The following NFATC2 variants were observed in gnomAD, a reference collection of about 807,000 sequenced individuals.
The protein encoded by NFATC2 is nuclear factor of activated T cells 2, also known as nuclear factor of activated T-cells, cytoplasmic 2.
Under a neutral mutation model 87.3 loss-of-function variants are expected in NFATC2, and 22 were observed. The observed-to-expected ratio is 0.25, with a 90% CI of 0.18 to 0.36. NFATC2 has a LOEUF of 0.36. Ranked by LOEUF, NFATC2 falls within the 10% of genes least tolerant of loss-of-function variation. The pLI is 1.00. For synonymous variants in NFATC2, 565 were observed against 542.2 expected (o/e 1.04, Z -0.58); for missense variants, 1,149 against 1,259.1 (o/e 0.91, Z 1.32).
At chr20:51,398,757 T>C in intron 9 of NFATC2, 27 bp from the exon 10 acceptor site, 1 of 1,511,476 alleles carries the variant, frequency 6.6e-7, no homozygotes, top group Non-Finnish European at 9.1e-7. Flanking sequence ...AAATCATTTT[T>C]GAGAAGAAAA....
At chr20:51,538,286 C>T (rs963878893) in intron 1 of NFATC2, among the ~76,000 whole-genome samples, 5 of 151,936 alleles carry the variant, frequency 3.3e-5, no homozygotes, top group African/African-American at 1.2e-4. Flanking sequence ...ATAATGTATG[C>T]CAACACATTA....
At chr20:51,403,633 G>A (rs1202287402) in intron 9 of NFATC2, among the ~76,000 whole-genome samples, 1 of 152,150 alleles carries the variant, frequency 6.6e-6, no homozygotes, top group Non-Finnish European at 1.5e-5. Context: ...TGAAGGTGGG[G>A]CCCTCGTGAT....
chr20:51,561,115 G>A (rs2077017212), intron 1 of NFATC2, among the ~76,000 whole-genome samples: 1 of 147,398 alleles, frequency 6.8e-6, no homozygotes, highest in South Asian at 2.1e-4. Flanking sequence ...TTTTACAGAT[G>A]ATACGATATC....
intron 9 of NFATC2, among the ~76,000 whole-genome samples, chr20:51,426,155 C>A (rs1323736427): frequency 6.6e-6 from 1 of 152,096 alleles, no homozygotes; most frequent in African/African-American, 2.4e-5. Flanking sequence ...AAAATTTGAA[C>A]CATGTCCTAC....
At chr20:51,561,424 G>GAAA (rs2077023198) in intron 1 of NFATC2, among the ~76,000 whole-genome samples, 3 of 123,670 alleles carry the variant, frequency 2.4e-5, no homozygotes, top group African/African-American at 9.9e-5. Flanking sequence ...AAGAAAGAGA[G>GAAA]AGAAAGAAAA....
At chr20:51,485,083 C>G (rs960792888) in intron 3 of NFATC2, among the ~76,000 whole-genome samples, 2 of 152,234 alleles carry the variant, frequency 1.3e-5, no homozygotes, top group African/African-American at 4.8e-5. Flanking sequence ...AGCAAGCACG[C>G]TCACTCAAGA....
chr20:51,470,957 C>T (rs1273638606), intron 5 of NFATC2, among the ~76,000 whole-genome samples: 1 of 152,120 alleles, frequency 6.6e-6, no homozygotes. Flanking sequence ...TTTCATAGAA[C>T]CAGAAAGTTG....
At chr20:51,466,601 C>T (rs781120489) in intron 5 of NFATC2, among the ~76,000 whole-genome samples, 4 of 152,120 alleles carry the variant, frequency 2.6e-5, no homozygotes, top group Non-Finnish European at 5.9e-5. Flanking sequence ...CTGCACGGAT[C>T]AGAGCCCCAA....
intron 9 of NFATC2, among the ~76,000 whole-genome samples, chr20:51,412,363 C>T (rs1307317294): frequency 5.9e-5 from 9 of 152,320 alleles, no homozygotes; most frequent in African/African-American, 2.2e-4. Context: ...AGTCACAAGG[C>T]CATCCTCAGA....
At chr20:51,447,502 C>T (rs557333060) in intron 6 of NFATC2, among the ~76,000 whole-genome samples, 51 of 152,368 alleles carry the variant, frequency 3.3e-4, no homozygotes, top group African/African-American at 1.2e-3. Context: ...TGTGAAGGAA[C>T]CTTCCAAAAC....
intron 5 of NFATC2, among the ~76,000 whole-genome samples, chr20:51,468,054 A>G (rs1183921482): frequency 6.6e-6 from 1 of 152,260 alleles, no homozygotes; most frequent in Admixed American, 6.5e-5. Flanking sequence ...AAAAACAGCC[A>G]GACCCAGAAG....
At chr20:51,427,225 C>G (rs1439859797) in intron 9 of NFATC2, among the ~76,000 whole-genome samples, 3 of 152,174 alleles carry the variant, frequency 2.0e-5, no homozygotes, top group Admixed American at 6.5e-5. Flanking sequence ...CCGATGACCT[C>G]TGCACCCCCA....
chr20:51,427,765 G>A (rs1982067019), intron 9 of NFATC2, among the ~76,000 whole-genome samples: 1 of 152,166 alleles, frequency 6.6e-6, no homozygotes, highest in Admixed American at 6.5e-5. Flanking sequence ...CCTCTTCAGA[G>A]TGGCCTTTCT....
chr20:51,540,051 G>A (rs2076781687), intron 1 of NFATC2, among the ~76,000 whole-genome samples: 1 of 152,206 alleles, frequency 6.6e-6, no homozygotes, highest in Admixed American at 6.5e-5. Context: ...TCTCACTCTT[G>A]TCACCCAGGC....
chr20:51,491,274 T>C (rs1177750350), intron 3 of NFATC2, among the ~76,000 whole-genome samples: 1 of 150,012 alleles, frequency 6.7e-6, no homozygotes, highest in Non-Finnish European at 1.5e-5. Flanking sequence ...ATGCATAAAA[T>C]GGACAAGGTT....
intron 1 of NFATC2, among the ~76,000 whole-genome samples, chr20:51,553,935 A>T (rs1404231465): frequency 3.9e-5 from 6 of 152,062 alleles, no homozygotes. Flanking sequence ...GTCCCCCCTC[A>T]GTCACCCAAG....
At chr20:51,454,922 T>C (rs542432402) in intron 5 of NFATC2, among the ~76,000 whole-genome samples, 28 of 152,348 alleles carry the variant, frequency 1.8e-4, no homozygotes, top group African/African-American at 6.3e-4. Context: ...TTCGTTTTCA[T>C]GAATCAAGGG....
At chr20:51,482,397 C>G (rs933229179) in intron 3 of NFATC2, among the ~76,000 whole-genome samples, 2 of 151,704 alleles carry the variant, frequency 1.3e-5, no homozygotes, top group African/African-American at 4.8e-5. Context: ...GTACTAAGAG[C>G]TCACTCATTG....
At chr20:51,537,351 C>T (rs2076738434) in intron 1 of NFATC2, among the ~76,000 whole-genome samples, 1 of 152,106 alleles carries the variant, frequency 6.6e-6, no homozygotes, top group African/African-American at 2.4e-5. Context: ...TCTATAGAAT[C>T]TGCAGATTTC....
Sources: allele counts gnomAD v4.1 joint callset (sites outside exome capture counted in the v4.1 genomes callset), GRCh38; gene constraint gnomAD v4.1.1; transcripts MANE v1.5; gene names NCBI Gene and HGNC (gene_info 2026-07-23, HGNC 2026-07-21).